The following PAM16 variants were observed in gnomAD, a reference collection of about 807,000 sequenced individuals.
PAM16 encodes the protein mitochondrial import inner membrane translocase subunit TIM16.
Under a neutral mutation model 17.9 loss-of-function variants are expected in PAM16, and 11 were observed. That is an observed-to-expected ratio of 0.62 (90% CI 0.39 to 1.02). The LOEUF (loss-of-function observed/expected upper bound fraction) is 1.02. Ranked by LOEUF, PAM16 falls within the 50% of genes least tolerant of loss-of-function variation. The probability of loss-of-function intolerance (pLI) is 0.01; values close to 1 mark genes in which losing one functional copy is unlikely to be tolerated. For missense variants in PAM16, 199 were observed against 165.4 expected (o/e 1.20, Z -1.11); for synonymous variants, 72 against 67.4 (o/e 1.07, Z -0.34).
intron 1 of PAM16, 195 bp from the exon 2 acceptor site, chr16:4,343,486 ACAGG>A: frequency 1.4e-6 from 2 of 1,429,260 alleles, no homozygotes; most frequent in Non-Finnish European, 9.1e-7. Flanking sequence ...TACTCACTGG[ACAGG>A]CAGGCAGGCG....
chr16:4,341,448 A>G lies in PAM16; in HGVS notation c.145T>C (p.Ser49Pro). The change falls in exon 3 of 5, where the codon TCC becomes CCC. Residue 49 changes from serine (S) to proline (P), a missense_variant. Ser to Pro is a moderately conservative substitution (Grantham distance 74). Coordinates refer to ENST00000318059, the MANE Select transcript of PAM16 (RefSeq NM_016069.11). ...GRAGHRSAAA[S>P]NLSGLSLQEA... Reference sequence around the variant, plus strand: ...TGGAGGCTGAGGCCGGAGAGGTTGGAAGCGGCTGCAGACCGGTGTCCAGCG... The same window carrying G: ...TGGAGGCTGAGGCCGGAGAGGTTGGGAGCGGCTGCAGACCGGTGTCCAGCG... 6.2e-7 allele frequency: 1 copy of G among 1,609,196 alleles called. No individual in the cohort carries two copies. Among genetic ancestry groups the G allele is most frequent in the Non-Finnish European group, 8.5e-7 (1 of 1,178,674 alleles).
At chr16:4,344,038 G>C in intron 1 of PAM16, 1 of 397,964 alleles carries the variant, frequency 2.5e-6, no homozygotes, top group Non-Finnish European at 4.4e-6. Context: ...TGGCCTGGCA[G>C]GGAACCCCAC....
intron 3 of PAM16, 109 bp downstream of exon 3, chr16:4,341,259 G>C: frequency 6.8e-7 from 1 of 1,469,264 alleles, no homozygotes; most frequent in South Asian, 1.3e-5. Context: ...AGTCCGAGCT[G>C]GGTGCAGCTG....
chr16:4,343,922 T>C (rs918726478), intron 1 of PAM16: 10 of 397,436 alleles, frequency 2.5e-5, no homozygotes, highest in African/African-American at 1.0e-4. Flanking sequence ...TGTGCAGCCA[T>C]TGGTTCACCC....
chr16:4,345,094 CACAT>C (rs1467993978), intron 1 of PAM16, among the ~76,000 whole-genome samples: 1 of 151,880 alleles, frequency 6.6e-6, no homozygotes, highest in Admixed American at 6.6e-5. Context: ...ATATAGACAG[CACAT>C]ACAAAGGATC....
At chr16:4,350,459 T>C (rs1015303875) in intron 1 of PAM16, among the ~76,000 whole-genome samples, 3 of 152,128 alleles carry the variant, frequency 2.0e-5, no homozygotes, top group Non-Finnish European at 2.9e-5. Context: ...TAGAGTGCAC[T>C]GGCGGATCTC....
intron 1 of PAM16, chr16:4,343,850 A>C (rs1010056676): frequency 1.0e-5 from 4 of 400,062 alleles, no homozygotes; most frequent in African/African-American, 8.2e-5. Context: ...CTAAAAGCCC[A>C]CTAGGAGGGT....
intron 1 of PAM16, among the ~76,000 whole-genome samples, chr16:4,344,745 C>A (rs112590154): frequency 5.6e-4 from 1 of 1,794 alleles, no homozygotes; most frequent in Non-Finnish European, 8.7e-4. Flanking sequence ...GGAGGGGGTT[C>A]TGTGAGAGGA....
intron 1 of PAM16, among the ~76,000 whole-genome samples, chr16:4,350,638 T>C (rs1422978865): frequency 3.9e-5 from 6 of 152,110 alleles, no homozygotes; most frequent in African/African-American, 1.4e-4. Context: ...CCTGACCTCG[T>C]GATCCGCCGC....
chr16:4,340,927 T>C lies in PAM16; in HGVS notation c.284A>G (p.Gln95Arg), dbSNP rs1382723491. 1 of 1,613,608 alleles carries C rather than the reference T, an allele frequency of 6.2e-7. No individual in the cohort carries two copies. Among genetic ancestry groups the C allele is most frequent in the Non-Finnish European group, 8.5e-7 (1 of 1,179,966 alleles). Residue 95 changes from glutamine to arginine, a missense_variant, in exon 4 of 5, where the codon CAG becomes CGG. Transcript: ENST00000318059. Reference sequence around the variant, plus strand: ...GAATCAAAGACCACTCACCTTTGACTGCAGGTAGAAGGAGCCACCCACGGA... The same window carrying C: ...GAATCAAAGACCACTCACCTTTGACCGCAGGTAGAAGGAGCCACCCACGGA... Reference protein sequence around the residue: ...DKSVGGSFYLQSKVVRAKERL... With the variant: ...DKSVGGSFYLRSKVVRAKERL...
intron 3 of PAM16, 122 bp downstream of exon 3, chr16:4,341,246 T>TG (rs1433725617): frequency 1.4e-6 from 2 of 1,451,272 alleles, no homozygotes; most frequent in East Asian, 2.5e-5. Flanking sequence ...TCCCGAAAGT[T>TG]GGAGTCCGAG....
chr16:4,350,765 T>A (rs2141158419), intron 1 of PAM16, among the ~76,000 whole-genome samples: 2 of 152,268 alleles, frequency 1.3e-5, no homozygotes, highest in South Asian at 4.1e-4. Flanking sequence ...TGACTGGCTC[T>A]ACGTGCCAAC....
chr16:4,349,561 T>G (rs1394816814), intron 1 of PAM16, among the ~76,000 whole-genome samples: 1 of 151,996 alleles, frequency 6.6e-6, no homozygotes, highest in Non-Finnish European at 1.5e-5. Flanking sequence ...TACTCCAGCC[T>G]AGGAGACCCA....
intron 1 of PAM16, chr16:4,351,031 G>T: frequency 3.0e-6 from 1 of 329,918 alleles, no homozygotes; most frequent in Non-Finnish European, 5.5e-6. Flanking sequence ...CCAGGCAGAC[G>T]GTTTTCCCTG....
At chr16:4,349,674 G>T (rs576220745) in intron 1 of PAM16, among the ~76,000 whole-genome samples, 19 of 152,264 alleles carry the variant, frequency 1.2e-4, no homozygotes, top group African/African-American at 4.6e-4. Flanking sequence ...GTCTAAGGTA[G>T]GAGGATGGCT....
rs971506136 is a variant in PAM16 at position 4,341,508 on chromosome 16, T to C, written c.89-4A>G. ...GCATCAGCTGCGGCCCGGCTGGCTG[T>C]GTGGACATGTGGGTGATCGCTCAGT... On this transcript the variant is annotated splice_polypyrimidine_tract_variant and splice_region_variant and intron_variant, in intron 2 of 4. Coordinates refer to ENST00000318059, the MANE Select transcript of PAM16 (RefSeq NM_016069.11). 3 of 1,605,210 alleles carry C rather than the reference T, an allele frequency of 1.9e-6. No homozygotes were observed. The highest frequency in any genetic ancestry group is 2.5e-6 in the Non-Finnish European group (3 of 1,178,080).
rs1422898154 is a variant in PAM16, at chr16:4,342,347, G to C, written c.89-843C>G. Among the ~76,000 whole-genome samples the C allele has an allele frequency of 2.4e-5, 3 of 126,596 alleles. No homozygotes were observed. In the South Asian group the frequency reaches 7.6e-4, roughly 32 times the overall value. The allele number at this position is 126,596 out of a possible 152,430, so 83.1% of individuals were successfully genotyped here. A position where few individuals can be genotyped will look rare whatever the true frequency, so the allele number is the denominator to read the frequency against. The stretch of plus-strand genomic sequence containing the variant: ...CACTCCAGCCTGGGCAACACAGTGA[G>C]ACTCCGTCTCAAAAGAAAACAAAAG... On this transcript the variant is annotated intron_variant, in intron 2 of 4. Transcript: ENST00000318059.
chr16:4,348,862 G>A (rs2053799842), intron 1 of PAM16, among the ~76,000 whole-genome samples: 1 of 150,736 alleles, frequency 6.6e-6, no homozygotes, highest in South Asian at 2.1e-4. Flanking sequence ...TCACCGTGTT[G>A]CCCAGGCTGG....
chr16:4,340,769 C>G, intron 4 of PAM16, 151 bp downstream of exon 4: 2 of 1,010,616 alleles, frequency 2.0e-6, no homozygotes, highest in South Asian at 1.4e-5. Flanking sequence ...TTCAGGGGGC[C>G]TCCCTGAGGC....
Sources: gnomAD v4.1 joint callset for allele counts (sites outside exome capture counted in the v4.1 genomes callset) on GRCh38, gnomAD v4.1.1 for gene constraint, MANE v1.5 for transcripts, NCBI Gene and HGNC (gene_info 2026-07-23, HGNC 2026-07-21) for gene names.